The following TMPO variants were observed in gnomAD, a reference collection of about 807,000 sequenced individuals.
The protein encoded by TMPO is LEM domain containing 4.
A neutral mutation model predicts 45.4 loss-of-function variants in TMPO; 22 were observed. The observed-to-expected ratio is 0.48, with a 90% confidence interval of 0.35 to 0.69. TMPO has a LOEUF of 0.69. Among genes scored for constraint, TMPO ranks in the 30% least tolerant of loss-of-function variants. The pLI is 0.01. For missense variants in TMPO, 512 were observed against 548.8 expected, an observed-to-expected ratio of 0.93 and a Z score of 0.67; for synonymous variants, 241 against 204.1, an observed-to-expected ratio of 1.18 and a Z score of -1.54.
intron 4 of TMPO, among the ~76,000 whole-genome samples, chr12:98,541,175 C>T (rs1877894068): frequency 6.6e-6 from 1 of 152,154 alleles, no homozygotes; most frequent in South Asian, 2.1e-4. Flanking sequence ...GTCCCAGGCT[C>T]ATGTATACTT....
chr12:98,534,355 CAAA>C (rs778712561), intron 3 of TMPO: 1 of 1,610,200 alleles, frequency 6.2e-7, no homozygotes, highest in South Asian at 1.1e-5. Flanking sequence ...AAATTAAGGA[CAAA>C]AAGACATCTA....
chr12:98,534,486 T>C lies in TMPO; in HGVS notation c.565+2648T>C, dbSNP rs1423874065. On this transcript the variant is annotated intron_variant, in intron 3 of 8. Transcript: ENST00000556029. ...TACCCATCAAATTACAGTATAAAAGTAATTGCCTGTGTAGAACTACTTGTC... is the reference window on the plus strand; with the variant it reads ...TACCCATCAAATTACAGTATAAAAGCAATTGCCTGTGTAGAACTACTTGTC... The C allele has an allele frequency of 4.0e-6, 6 of 1,484,400 alleles. No individual in the cohort carries two copies. The African/African-American group carries it at 8.4e-5, about 21-fold the overall frequency. 92.0% of individuals were successfully genotyped at this position (1,484,400 alleles called of 1,614,324 possible).
At chr12:98,543,977 T>C (rs1878071848) in intron 4 of TMPO, among the ~76,000 whole-genome samples, 1 of 152,200 alleles carries the variant, frequency 6.6e-6, no homozygotes, top group South Asian at 2.1e-4. Flanking sequence ...TGTGCTTTTT[T>C]TCCCATAATG....
chr12:98,542,866 A>T (rs184283663), intron 4 of TMPO, among the ~76,000 whole-genome samples: 2,254 of 152,218 alleles, frequency 0.015, 26 homozygotes, highest in Non-Finnish European at 0.023. Context: ...TCAAAAAAAT[A>T]AATAAAATAA....
chr12:98,535,649 G>A (rs1227144787), intron 3 of TMPO: 2 of 985,294 alleles, frequency 2.0e-6, no homozygotes, highest in East Asian at 2.3e-4. Flanking sequence ...GTGGTCTCCA[G>A]AAACATGTTG....
In TMPO at chr12:98,516,092, G is replaced by A. The variant is rs59027673; in HGVS notation, c.225G>A (p.Pro75=). The change falls in exon 1 of 9, where the codon CCG becomes CCA. Residue 75 remains proline, a synonymous_variant. Transcript: ENST00000556029. ...FSSDEEREPT[P]VLGSGAAAAG... ...GTGACGAAGAGCGCGAGCCCACCCC[G>A]GTCCTCGGCTCTGGGGCCGCCGCCG... is the stretch of plus-strand genomic sequence containing the variant. The A allele has an allele frequency of 1.0e-3, 1,658 of 1,587,950 alleles. 16 individuals carry two copies. The African/African-American group carries it at 0.02, about 19-fold the overall frequency.
rs569630929 is a variant in TMPO, at chr12:98,533,017, G to T, written c.565+1179G>T. On this transcript the variant is annotated intron_variant, in intron 3 of 8. Transcript: ENST00000556029. ...TACTTCTAAGGGAGACCTACCTAGG[G>T]AGCCTCTTGTTGCCACAAACTTGCC... The T allele has an allele frequency of 3.1e-6, 5 of 1,613,772 alleles. No homozygotes were observed. In the African/African-American group the frequency reaches 5.3e-5, roughly 17 times the overall value.
intron 3 of TMPO, among the ~76,000 whole-genome samples, chr12:98,537,243 G>A (rs1296256067): frequency 2.0e-5 from 3 of 152,206 alleles, no homozygotes; most frequent in Admixed American, 6.5e-5. Flanking sequence ...TAGGTAGGAA[G>A]AAGTGGTTGT....
At chr12:98,538,898 A>G (rs1877732203) in intron 4 of TMPO, among the ~76,000 whole-genome samples, 1 of 152,022 alleles carries the variant, frequency 6.6e-6, no homozygotes, top group Admixed American at 6.6e-5. Context: ...CTTCAGGAGC[A>G]TGCTGAAGAA....
Position 98,534,008 on chromosome 12 carries a change from C to T in TMPO, c.565+2170C>T. 4 of 1,607,564 alleles carry T rather than the reference C, an allele frequency of 2.5e-6. No individual in the cohort carries two copies. The highest frequency in any genetic ancestry group is 1.3e-5 in the African/African-American group (1 of 74,872). On this transcript the variant is annotated intron_variant, in intron 3 of 8. Transcript: ENST00000556029. ...GCAGCATCAGCATTGCAGATTGCAA[C>T]TCACACTGCCTTTGTAGCTAAGGCT... is the stretch of plus-strand genomic sequence containing the variant.
At chr12:98,527,525 T>TAAAAAA (rs145065353) in intron 1 of TMPO, 30 of 159,562 alleles carry the variant, frequency 1.9e-4, no homozygotes, top group East Asian at 9.2e-4. Flanking sequence ...CCTGTATCAT[T>TAAAAAA]AAAAAAAAAA....
At chr12:98,518,462 T>C (rs1020920789) in intron 1 of TMPO, among the ~76,000 whole-genome samples, 3 of 144,992 alleles carry the variant, frequency 2.1e-5, no homozygotes, top group Non-Finnish European at 4.5e-5. Flanking sequence ...CCCGGCTAAT[T>C]TTCTAATCTT....
At chr12:98,529,340 C>T (rs1273679062) in intron 2 of TMPO, among the ~76,000 whole-genome samples, 1 of 152,092 alleles carries the variant, frequency 6.6e-6, no homozygotes, top group African/African-American at 2.4e-5. Context: ...CAGGTGTGAG[C>T]CACCGCGCTG....
chr12:98,549,162 C>G lies in TMPO; in HGVS notation c.*1304C>G, dbSNP rs1457979933. 6.6e-6 allele frequency: 1 copy of G among 152,172 alleles called. No homozygotes were observed. Among genetic ancestry groups the G allele is most frequent in the Non-Finnish European group, 1.5e-5 (1 of 68,044 alleles). 9.4% of individuals were successfully genotyped at this position (152,172 alleles called of 1,614,324 possible). ...ACAAAAAGTACTTGCTTTTATATTACATCATAAGCAGTAGTTAATAAAGTT... is the reference window on the plus strand; with the variant it reads ...ACAAAAAGTACTTGCTTTTATATTAGATCATAAGCAGTAGTTAATAAAGTT... On this transcript the variant is annotated 3_prime_UTR_variant, in exon 9 of 9. Transcript: ENST00000556029.
intron 3 of TMPO, chr12:98,534,455 A>G: frequency 3.9e-6 from 6 of 1,556,888 alleles, no homozygotes; most frequent in Non-Finnish European, 5.2e-6. Context: ...CAAAATGTTA[A>G]GCTTCTACCC....
intron 2 of TMPO, among the ~76,000 whole-genome samples, chr12:98,530,607 A>G (rs933590840): frequency 7.9e-5 from 12 of 152,218 alleles, no homozygotes; most frequent in East Asian, 5.8e-4. Flanking sequence ...TTTGTAATCA[A>G]TTTTGCTTTG....
chr12:98,531,751 A>G lies in TMPO; in HGVS notation c.478A>G (p.Thr160Ala). 6.2e-7 allele frequency: 1 copy of G among 1,613,592 alleles called. No homozygotes were observed. The highest frequency in any genetic ancestry group is 8.5e-7 in the Non-Finnish European group (1 of 1,179,772). The change falls in exon 3 of 9, where the codon ACT (threonine) becomes GCT (alanine). Residue 160 changes from threonine (T) to alanine (A), a missense_variant. Transcript: ENST00000556029. ...REQGTESRSS[T>A]PLPTISSSAE... ...ACAAGGAACAGAATCAAGATCTTCTACTCCTCTGCCAACAATTTCTTCTTC... is the reference window on the plus strand; with the variant it reads ...ACAAGGAACAGAATCAAGATCTTCTGCTCCTCTGCCAACAATTTCTTCTTC...
intron 1 of TMPO, 152 bp downstream of exon 1, chr12:98,516,298 G>A (rs908434561): frequency 8.1e-7 from 1 of 1,235,772 alleles, no homozygotes; most frequent in Non-Finnish European, 1.0e-6. Context: ...CCTTCCCCGC[G>A]GGGCTGCAGG....
intron 1 of TMPO, among the ~76,000 whole-genome samples, chr12:98,518,470 C>CTTTTTTTTTTTTTTTTTTTTTTTTTT: frequency 1.2e-5 from 1 of 83,536 alleles, no homozygotes; most frequent in Non-Finnish European, 2.2e-5. Context: ...ATTTTCTAAT[C>CTTTTTTTTTTTTTTTTTTTTTTTTTT]TTTTTTTTTT....
Sources: allele counts gnomAD v4.1 joint callset (sites outside exome capture counted in the v4.1 genomes callset), GRCh38; gene constraint gnomAD v4.1.1; transcripts MANE v1.5; gene names NCBI Gene and HGNC (gene_info 2026-07-23, HGNC 2026-07-21).